Variants in DIAPH2 observed in about 807,000 individuals in gnomAD.
DIAPH2 encodes diaphanous related formin 2.
Under a neutral mutation model 92.7 loss-of-function variants are expected in DIAPH2, and 35 were observed. The observed-to-expected ratio is 0.38, with a 90% CI of 0.29 to 0.50. The LOEUF is 0.50. DIAPH2 is among the 20% of genes least tolerant of loss of function. The probability of loss-of-function intolerance (pLI) is 0.94; values close to 1 mark genes in which losing one functional copy is unlikely to be tolerated. For missense variants in DIAPH2, 701 were observed against 819.5 expected (o/e 0.86, Z 1.77); for synonymous variants, 301 against 280.4 (o/e 1.07, Z -0.73).
At chrX:97,506,451 CTTTT>C (rs34941076) in intron 26 of DIAPH2, among the ~76,000 whole-genome samples, 4 of 55,495 alleles carry the variant, frequency 7.2e-5, no homozygotes, top group Admixed American at 7.0e-4. Context: ...ATGCCCAGCC[CTTTT>C]TTTTTTTTTT....
intron 26 of DIAPH2, among the ~76,000 whole-genome samples, chrX:97,545,086 C>T (rs906078479): frequency 9.0e-6 from 1 of 110,662 alleles, no homozygotes; most frequent in Non-Finnish European, 1.9e-5. Context: ...ACCCTTTACT[C>T]CATCCTAAGT....
intron 26 of DIAPH2, among the ~76,000 whole-genome samples, chrX:97,589,768 A>G (rs1480545698): frequency 8.9e-6 from 1 of 112,516 alleles, no homozygotes; most frequent in Non-Finnish European, 1.9e-5. Context: ...TTGCTAGGTT[A>G]GTAGCCATTT....
chrX:96,944,568 A>G (rs2065726648), intron 13 of DIAPH2, among the ~76,000 whole-genome samples: 2 of 111,981 alleles, frequency 1.8e-5, no homozygotes, highest in African/African-American at 6.5e-5. Context: ...CTTACTAGTT[A>G]CATTTTATAG....
At chrX:96,830,685 G>A (rs902038828) in intron 4 of DIAPH2, among the ~76,000 whole-genome samples, 10 of 107,513 alleles carry the variant, frequency 9.3e-5, no homozygotes, top group Non-Finnish European at 1.3e-4. Context: ...GCAATAAAAT[G>A]CATGAAAAAG....
chrX:97,289,723 T>A, intron 23 of DIAPH2, among the ~76,000 whole-genome samples: 1 of 110,707 alleles, frequency 9.0e-6, no homozygotes, highest in East Asian at 2.8e-4. Flanking sequence ...CAATTTTTTT[T>A]TTTTTTTGGT....
intron 23 of DIAPH2, among the ~76,000 whole-genome samples, chrX:97,347,382 C>T (rs2069168289): frequency 9.1e-6 from 1 of 109,750 alleles, no homozygotes; most frequent in Admixed American, 9.8e-5. Flanking sequence ...AGCCACTGCA[C>T]CTGGCCTCAC....
intron 17 of DIAPH2, among the ~76,000 whole-genome samples, chrX:97,022,281 T>C (rs2066303387): frequency 1.8e-5 from 2 of 112,497 alleles, no homozygotes; most frequent in Admixed American, 9.4e-5. Flanking sequence ...TATAAAATGC[T>C]ATGTGCATTT....
chrX:96,985,193 C>T (rs907452800), intron 17 of DIAPH2, among the ~76,000 whole-genome samples: 3 of 111,204 alleles, frequency 2.7e-5, no homozygotes, highest in Non-Finnish European at 5.7e-5. Context: ...CATGCCCTGA[C>T]GGGTCTAAAG....
intron 17 of DIAPH2, among the ~76,000 whole-genome samples, chrX:96,968,304 C>T (rs181535793): frequency 3.6e-5 from 4 of 111,000 alleles, no homozygotes; most frequent in Admixed American, 1.9e-4. Context: ...CTGCAATCTC[C>T]GCCTCCTGGG....
intron 17 of DIAPH2, among the ~76,000 whole-genome samples, chrX:97,023,052 A>G (rs1338376315): frequency 8.9e-6 from 1 of 111,756 alleles, no homozygotes; most frequent in East Asian, 2.8e-4. Flanking sequence ...CTGTTTCTTT[A>G]TGTACTATAG....
chrX:97,119,599 C>A (rs1239348773), intron 21 of DIAPH2, among the ~76,000 whole-genome samples: 1 of 111,845 alleles, frequency 8.9e-6, no homozygotes, highest in Non-Finnish European at 1.9e-5. Flanking sequence ...CGGCGGTGGG[C>A]AGGGCCCTAG....
At chrX:97,385,225 T>A (rs1444375680) in intron 25 of DIAPH2, among the ~76,000 whole-genome samples, 1 of 111,047 alleles carries the variant, frequency 9.0e-6, no homozygotes, top group Non-Finnish European at 1.9e-5. Context: ...TGTAAGACTT[T>A]TACGTATTTA....
intron 21 of DIAPH2, among the ~76,000 whole-genome samples, chrX:97,121,377 A>G (rs675577): frequency 0.11 from 12,543 of 111,288 alleles, 1,738 homozygotes; most frequent in African/African-American, 0.39. Flanking sequence ...TCTTTACTTG[A>G]CATTTAATTT....
chrX:97,556,224 T>G (rs2071256085), intron 26 of DIAPH2, among the ~76,000 whole-genome samples: 1 of 111,951 alleles, frequency 8.9e-6, no homozygotes, highest in Non-Finnish European at 1.9e-5. Context: ...TTATGCGGAC[T>G]GAGAAACTTA....
intron 23 of DIAPH2, among the ~76,000 whole-genome samples, chrX:97,311,729 A>G (rs1171444752): frequency 9.0e-6 from 1 of 110,598 alleles, no homozygotes; most frequent in Non-Finnish European, 1.9e-5. Context: ...CAGCTGCATG[A>G]CTCCTAAACC....
At chrX:97,321,167 G>C (rs1020243858) in intron 23 of DIAPH2, among the ~76,000 whole-genome samples, 1 of 111,373 alleles carries the variant, frequency 9.0e-6, no homozygotes, top group African/African-American at 3.3e-5. Flanking sequence ...TAGGGACTTA[G>C]GGTTACTTTT....
intron 22 of DIAPH2, among the ~76,000 whole-genome samples, chrX:97,214,191 T>C (rs953403602): frequency 1.1e-4 from 12 of 112,662 alleles, no homozygotes; most frequent in African/African-American, 3.5e-4. Flanking sequence ...ATCAAACTTA[T>C]ATAATTGTCT....
At position 96,846,923 on chromosome X, in the gene DIAPH2, A is replaced by C. The variant is rs189853720; in HGVS notation, c.448-34656A>C. On this transcript the variant is annotated intron_variant, in intron 4 of 26. Coordinates refer to ENST00000324765, the MANE Select transcript of DIAPH2 (RefSeq NM_006729.5). ...TGTTACAGTCAGTGTAACTGCTGGA[A>C]TATTCAGGTCTAGTGGAATCAGTAA... Among the ~76,000 whole-genome samples, 304 of 111,593 alleles carry C rather than the reference A, an allele frequency of 2.7e-3. 1 individual carries two copies. The highest frequency in any genetic ancestry group is 4.3e-3 in the Non-Finnish European group (229 of 53,139).
chrX:97,382,570 A>G (rs1292056871), intron 24 of DIAPH2, among the ~76,000 whole-genome samples: 2 of 112,171 alleles, frequency 1.8e-5, no homozygotes, highest in Middle Eastern at 4.6e-3. Context: ...ACCCTGCTTT[A>G]AAATTATGAT....
Sources: gnomAD v4.1 joint callset for allele counts (sites outside exome capture counted in the v4.1 genomes callset) on GRCh38, gnomAD v4.1.1 for gene constraint, MANE v1.5 for transcripts, NCBI Gene and HGNC (gene_info 2026-07-23, HGNC 2026-07-21) for gene names.